The following PRDM2 variants were observed in gnomAD, a reference collection of about 807,000 sequenced individuals.
PRDM2 encodes PR domain zinc finger protein 2.
A neutral mutation model predicts 130.0 loss-of-function variants in PRDM2; 30 were observed. That is an observed-to-expected ratio of 0.23 (90% confidence interval 0.17 to 0.31). The LOEUF (loss-of-function observed/expected upper bound fraction) is 0.31. PRDM2 is among the 10% of genes least tolerant of loss of function. The pLI, the probability that PRDM2 is intolerant of heterozygous loss-of-function variation, is 1.00. For missense variants in PRDM2, 2,011 were observed against 2,108.4 expected, an observed-to-expected ratio of 0.95 and a Z score of 0.90; for synonymous variants, 871 against 782.4, an observed-to-expected ratio of 1.11 and a Z score of -1.89.
chr1:13,809,838 G>A (rs899992371), intron 8 of PRDM2, among the ~76,000 whole-genome samples: 6 of 152,184 alleles, frequency 3.9e-5, no homozygotes, highest in African/African-American at 4.8e-5. Flanking sequence ...TGGACTAGGC[G>A]GCTTAAATGA....
In PRDM2 at chr1:13,778,674, GGAA is replaced by G; in HGVS notation, c.887_889del (p.Glu296del). The G allele has an allele frequency of 6.2e-7, 1 of 1,614,162 alleles. No individual in the cohort carries two copies. Among genetic ancestry groups the G allele is most frequent in the Non-Finnish European group, 8.5e-7 (1 of 1,180,034 alleles). On this transcript the variant is annotated inframe_deletion, in exon 8 of 10. Transcript: ENST00000311066. ...ATGATGATGAGTTGGAAGACGAGGG[GGAA>G]GAAGAAGCCAGCATGCCAAATGAAA...
rs1358522226 is a variant in PRDM2 at position 13,806,220 on chromosome 1, G to A, written c.5037-10207G>A. Among the ~76,000 whole-genome samples the A allele has an allele frequency of 6.6e-6, 1 of 151,572 alleles. No individual in the cohort carries two copies. The highest frequency in any genetic ancestry group is 1.5e-5 in the Non-Finnish European group (1 of 67,956). Reference sequence around the variant, plus strand: ...CTCTCCCAGTCTCTGCACATTACCAGCTGCTCCCCCGCATCCCGCCTCCAT... The same window carrying A: ...CTCTCCCAGTCTCTGCACATTACCAACTGCTCCCCCGCATCCCGCCTCCAT... On this transcript the variant is annotated intron_variant, in intron 8 of 9. Transcript: ENST00000311066. This position sits in a 1 kb window ranked among gnomAD's most constrained non-coding sequence, Gnocchi z 4.1.
chr1:13,780,367 A>G lies in PRDM2; in HGVS notation c.2572A>G (p.Ser858Gly). The change falls in exon 8 of 10, where the codon AGT becomes GGT. Residue 858 changes from serine to glycine, a missense_variant. Physicochemically the swap from Ser to Gly is moderately conservative, Grantham distance 56. Around this residue, in one of 5 missense-constraint regions of PRDM2, gnomAD observed 1,288 missense variants for 1,237.7 expected, o/e 1.04. Coordinates refer to ENST00000311066, the MANE Select transcript of PRDM2 (RefSeq NM_001393986.1). Reference protein sequence around the residue: ...LDLSVHKKHCSDSEGKEFKES... With the variant: ...LDLSVHKKHCGDSEGKEFKES... Reference sequence around the variant, plus strand: ...TCTCAGTGTGCATAAAAAGCATTGTAGTGACTCTGAAGGCAAGGAATTCAA... The same window carrying G: ...TCTCAGTGTGCATAAAAAGCATTGTGGTGACTCTGAAGGCAAGGAATTCAA... 2 of 1,614,238 alleles carry G rather than the reference A, an allele frequency of 1.2e-6. No individual in the cohort carries two copies. Among genetic ancestry groups the G allele is most frequent in the African/African-American group, 1.3e-5 (1 of 75,068 alleles).
chr1:13,726,408 T>C (rs1557602137), intron 2 of PRDM2, among the ~76,000 whole-genome samples: 1 of 152,136 alleles, frequency 6.6e-6, no homozygotes, highest in Non-Finnish European at 1.5e-5. Context: ...CTGTCCAAGG[T>C]TTCTTGTCTC....
At chr1:13,753,116 C>T (rs1432739026) in intron 6 of PRDM2, among the ~76,000 whole-genome samples, 2 of 152,214 alleles carry the variant, frequency 1.3e-5, no homozygotes, top group Non-Finnish European at 1.5e-5. Flanking sequence ...TTCCCTCCTA[C>T]GTCACAGCCT....
At chr1:13,759,869 AATATC>A (rs1236045454) in intron 6 of PRDM2, among the ~76,000 whole-genome samples, 1 of 152,170 alleles carries the variant, frequency 6.6e-6, no homozygotes. Context: ...AATAATAATA[AATATC>A]ATATGTTGTC....
chr1:13,714,671 A>G (rs1452404006), intron 1 of PRDM2, among the ~76,000 whole-genome samples: 1 of 152,234 alleles, frequency 6.6e-6, no homozygotes, highest in African/African-American at 2.4e-5. Flanking sequence ...ACATAATGTT[A>G]CAATGTAAGC....
intron 6 of PRDM2, among the ~76,000 whole-genome samples, chr1:13,757,883 A>G (rs1002061720): frequency 6.9e-6 from 1 of 145,268 alleles, no homozygotes; most frequent in African/African-American, 2.6e-5. Context: ...AAGCTTTCCT[A>G]TTCTAGCTGC....
At chr1:13,816,667 G>T in intron 9 of PRDM2, 97 bp downstream of exon 9, 1 of 1,450,152 alleles carries the variant, frequency 6.9e-7, no homozygotes, top group Non-Finnish European at 9.3e-7. Context: ...AGAAAGCAGT[G>T]GGTGTGATTG....
At chr1:13,795,719 C>T (rs1644912557) in intron 8 of PRDM2, among the ~76,000 whole-genome samples, 2 of 152,178 alleles carry the variant, frequency 1.3e-5, no homozygotes, top group African/African-American at 2.4e-5. Context: ...GGCCAGGCCT[C>T]GTTTTTACCA....
chr1:13,727,593 A>G (rs1295907675), intron 2 of PRDM2, among the ~76,000 whole-genome samples: 1 of 152,036 alleles, frequency 6.6e-6, no homozygotes. Context: ...ATCGGAAGGC[A>G]TGTGTCCCCT....
chr1:13,749,214 A>AGCCCTTCCTGCCGGCCGGGT, intron 5 of PRDM2, 147 bp from the exon 6 acceptor site: 1 of 684,324 alleles, frequency 1.5e-6, no homozygotes, highest in South Asian at 6.4e-5. Context: ...CGGGGCCGGG[A>AGCCCTTCCTGCCGGCCGGGT]GCCCTTCCTG....
intron 2 of PRDM2, among the ~76,000 whole-genome samples, chr1:13,730,562 C>G (rs971045006): frequency 6.6e-6 from 1 of 152,140 alleles, no homozygotes; most frequent in African/African-American, 2.4e-5. Context: ...TTGGAGGGCC[C>G]CAGTAGCCTT....
At chr1:13,731,366 C>G (rs1643103251) in intron 3 of PRDM2, among the ~76,000 whole-genome samples, 1 of 152,082 alleles carries the variant, frequency 6.6e-6, no homozygotes, top group Non-Finnish European at 1.5e-5. Context: ...AGGTCCCATC[C>G]CTCTTGCCTG....
intron 8 of PRDM2, among the ~76,000 whole-genome samples, chr1:13,791,381 G>C (rs1980472): frequency 0.2 from 31,024 of 152,106 alleles, 3,765 homozygotes; most frequent in South Asian, 0.33. Context: ...ATAGAGCCAT[G>C]TGGTTCATCA....
At chr1:13,719,801 C>G (rs1041008158) in intron 2 of PRDM2, among the ~76,000 whole-genome samples, 2 of 151,532 alleles carry the variant, frequency 1.3e-5, no homozygotes, top group Non-Finnish European at 2.9e-5. Context: ...TTTTTCCCAT[C>G]GTTTGTTCCA....
chr1:13,762,737 G>T (rs901812538), intron 6 of PRDM2, among the ~76,000 whole-genome samples: 1 of 152,218 alleles, frequency 6.6e-6, no homozygotes, highest in African/African-American at 2.4e-5. Flanking sequence ...GCCAGAGCCT[G>T]TTAGCAAGGC....
At chr1:13,752,325 A>T (rs1643866422) in intron 6 of PRDM2, among the ~76,000 whole-genome samples, 1 of 152,232 alleles carries the variant, frequency 6.6e-6, no homozygotes, top group Admixed American at 6.5e-5. Flanking sequence ...TTTAATTTGG[A>T]TTCCCAGATT....
chr1:13,757,488 G>A (rs983271056), intron 6 of PRDM2, among the ~76,000 whole-genome samples: 1 of 152,238 alleles, frequency 6.6e-6, no homozygotes, highest in Non-Finnish European at 1.5e-5. Flanking sequence ...AGCTTTAGCT[G>A]TCAGCTCTGC....
Sources: allele counts gnomAD v4.1 joint callset (sites outside exome capture counted in the v4.1 genomes callset), GRCh38; gene constraint gnomAD v4.1.1; regional missense constraint gnomAD v4.1.1; non-coding constraint Gnocchi (gnomAD v3.1); transcripts MANE v1.5; gene names NCBI Gene and HGNC (gene_info 2026-07-23, HGNC 2026-07-21).